The following VAC14 variants were observed in gnomAD, a reference collection of about 807,000 sequenced individuals.
VAC14 encodes VAC14 component of PIKFYVE complex.
In VAC14, 47 loss-of-function variants were observed where a neutral mutation model predicts 85.3. The observed-to-expected ratio is 0.55, with a 90% confidence interval of 0.44 to 0.70. VAC14 has a LOEUF of 0.70. VAC14 is among the 30% of genes least tolerant of loss of function. The pLI is 0.00. For missense variants in VAC14, 861 were observed against 1,004.3 expected (o/e 0.86, Z 1.93); for synonymous variants, 447 against 430.5 (o/e 1.04, Z -0.47).
intron 12 of VAC14, among the ~76,000 whole-genome samples, chr16:70,746,864 G>A (rs927797760): frequency 2.4e-4 from 36 of 152,238 alleles, no homozygotes; most frequent in African/African-American, 8.7e-4. Flanking sequence ...CCAGGAAATG[G>A]AGGTGGGGGG....
chr16:70,693,085 C>T (rs2053631546), intron 17 of VAC14, 114 bp from the exon 18 acceptor site: 1 of 1,396,930 alleles, frequency 7.2e-7, no homozygotes, highest in Non-Finnish European at 9.6e-7. Flanking sequence ...GCCATGGCAC[C>T]CACAGCCCAA....
chr16:70,786,365 C>G lies in VAC14; in HGVS notation c.105G>C (p.Lys35Asn). The change falls in exon 2 of 19, where the codon AAG becomes AAC. Residue 35 changes from lysine (K) to asparagine (N), a missense_variant and splice_region_variant. Physicochemically the swap from Lys to Asn is moderately conservative, Grantham distance 94. Transcript: ENST00000261776. ...TCTGGGCCACGAACTCCCGGACCAG[C>G]CTGGAGAGAGAGGAGAGAGGGGCTG... ...KRKVAALEIE[K>N]LVREFVAQNN... The G allele has an allele frequency of 6.2e-7, 1 of 1,613,288 alleles. No individual in the cohort carries two copies. The highest frequency in any genetic ancestry group is 8.5e-7 in the Non-Finnish European group (1 of 1,179,330).
At chr16:70,724,097 C>A (rs1407457864) in intron 14 of VAC14, among the ~76,000 whole-genome samples, 7 of 152,200 alleles carry the variant, frequency 4.6e-5, no homozygotes, top group Non-Finnish European at 1.5e-5. Context: ...CCCTTTGAGG[C>A]TCTTGGGCCC....
At chr16:70,789,131 A>G (rs2034206523) in intron 1 of VAC14, among the ~76,000 whole-genome samples, 1 of 152,264 alleles carries the variant, frequency 6.6e-6, no homozygotes, top group African/African-American at 2.4e-5. Flanking sequence ...AGTTTAACAC[A>G]AGACTAAACG....
intron 17 of VAC14, among the ~76,000 whole-genome samples, chr16:70,695,158 C>T (rs1597849517): frequency 6.7e-6 from 1 of 149,308 alleles, no homozygotes; most frequent in East Asian, 2.0e-4. Flanking sequence ...GTCACCCAGG[C>T]TGGAGTGCAG....
intron 14 of VAC14, among the ~76,000 whole-genome samples, chr16:70,719,772 G>A (rs1028423452): frequency 3.9e-5 from 6 of 152,150 alleles, no homozygotes; most frequent in Non-Finnish European, 8.8e-5. Context: ...CAATGCTGAC[G>A]GGAGTGGAAG....
chr16:70,688,346 G>A (rs1368626953), intron 18 of VAC14: 5 of 1,152,834 alleles, frequency 4.3e-6, no homozygotes, highest in Non-Finnish European at 5.3e-6. Context: ...GCTGGCGATG[G>A]CGCCCAGAGC....
At chr16:70,736,397 G>A (rs905970633) in intron 13 of VAC14, among the ~76,000 whole-genome samples, 5 of 152,136 alleles carry the variant, frequency 3.3e-5, no homozygotes, top group African/African-American at 2.4e-5. Flanking sequence ...GGTCTGAAAT[G>A]TCTGAGTGGG....
intron 18 of VAC14, chr16:70,688,943 ATC>A: frequency 1.0e-6 from 1 of 985,504 alleles, no homozygotes; most frequent in Non-Finnish European, 1.2e-6. Context: ...GCTAGGAAGT[ATC>A]TGTTTCCAGG....
chr16:70,782,066 T>C, intron 7 of VAC14, 63 bp from the exon 8 acceptor site: 1 of 1,585,046 alleles, frequency 6.3e-7, no homozygotes, highest in South Asian at 1.1e-5. Flanking sequence ...TCCCTCCCAT[T>C]GACCATACAC....
At chr16:70,704,084 G>A (rs1567526314) in intron 14 of VAC14, among the ~76,000 whole-genome samples, 1 of 152,236 alleles carries the variant, frequency 6.6e-6, no homozygotes, top group Non-Finnish European at 1.5e-5. Flanking sequence ...GCCAGCCATG[G>A]ACAGCCGCAG....
chr16:70,711,987 T>C (rs952613296), intron 14 of VAC14, among the ~76,000 whole-genome samples: 1 of 152,088 alleles, frequency 6.6e-6, no homozygotes, highest in African/African-American at 2.4e-5. Context: ...GCCACAGCCG[T>C]AGTGGTGGGC....
At chr16:70,779,662 C>G (rs2033710205) in intron 9 of VAC14, among the ~76,000 whole-genome samples, 1 of 151,212 alleles carries the variant, frequency 6.6e-6, no homozygotes, top group African/African-American at 2.5e-5. Context: ...AAAAAAAAAT[C>G]TGAGTAGGTT....
intron 12 of VAC14, among the ~76,000 whole-genome samples, chr16:70,746,620 G>A (rs955070701): frequency 2.6e-5 from 4 of 152,212 alleles, no homozygotes; most frequent in African/African-American, 9.6e-5. Flanking sequence ...CCTAGAAGTA[G>A]GGAGGGCCGA....
chr16:70,741,391 G>C (rs1012033125), intron 13 of VAC14, among the ~76,000 whole-genome samples: 19 of 152,032 alleles, frequency 1.2e-4, no homozygotes, highest in African/African-American at 1.9e-4. Context: ...CAGCGGAGGT[G>C]GGGGGGCGGG....
intron 12 of VAC14, among the ~76,000 whole-genome samples, chr16:70,757,800 A>G (rs372949040): frequency 2.0e-4 from 31 of 152,328 alleles, no homozygotes; most frequent in African/African-American, 4.8e-4. Context: ...GCTGGGTCCC[A>G]AGGGGAGCAT....
rs747137331 is a variant in VAC14, at chr16:70,695,587, C to T, written c.1992G>A (p.Glu664=). Residue 664 remains glutamate, a synonymous_variant, in exon 17 of 19, where the codon GAG becomes GAA. Transcript: ENST00000261776. ...CAATCAGCTGCACCAGCTTGTCCAC[C>T]TCTGCGAGGAAGTCCACGGTGACCT... ...DLEVTVDFLA[E]VDKLVQLIEC... 1.9e-6 allele frequency: 3 copies of T among 1,613,950 alleles called. No homozygotes were observed. The South Asian group carries it at 3.3e-5, about 18-fold the overall frequency.
chr16:70,721,681 C>T (rs1040695021), intron 14 of VAC14, among the ~76,000 whole-genome samples: 1 of 152,088 alleles, frequency 6.6e-6, no homozygotes, highest in Non-Finnish European at 1.5e-5. Context: ...GCTCTGTCCC[C>T]GTCTGCTGCA....
At chr16:70,743,035 C>G (rs2030502505) in intron 13 of VAC14, among the ~76,000 whole-genome samples, 1 of 152,030 alleles carries the variant, frequency 6.6e-6, no homozygotes, top group African/African-American at 2.4e-5. Flanking sequence ...TGTAAAAACG[C>G]ACCAATCAGC....
Sources: gnomAD v4.1 joint callset for allele counts (sites outside exome capture counted in the v4.1 genomes callset) on GRCh38, gnomAD v4.1.1 for gene constraint, MANE v1.5 for transcripts, NCBI Gene and HGNC (gene_info 2026-07-23, HGNC 2026-07-21) for gene names.